Variants in BTAF1 observed in about 807,000 individuals in gnomAD.
The protein encoded by BTAF1 is B-TFIID TATA-box binding protein associated factor 1, also known as TATA-binding protein-associated factor 172.
A neutral mutation model predicts 227.1 loss-of-function variants in BTAF1; 38 were observed. The observed-to-expected ratio is 0.17, with a 90% CI of 0.13 to 0.22. BTAF1 has a LOEUF of 0.22. BTAF1 is among the 10% of genes least tolerant of loss of function. BTAF1 has a pLI of 1.00. For synonymous variants in BTAF1, 742 were observed against 751.9 expected (o/e 0.99, Z 0.21); for missense variants, 1,598 against 2,204.0 (o/e 0.73, Z 5.51).
At chr10:92,001,499 T>C (rs1318623954) in intron 25 of BTAF1, among the ~76,000 whole-genome samples, 1 of 152,132 alleles carries the variant, frequency 6.6e-6, no homozygotes, top group Non-Finnish European at 1.5e-5. Flanking sequence ...ATCAAGTCCT[T>C]AGAAGCATAT....
In BTAF1 at chr10:92,018,870, C is replaced by T. The variant is rs771605794; in HGVS notation, c.4798C>T (p.Leu1600=). ...AGAATTCAAGACCACTGCCGAAAAACTGGCAGTTCAGAATTCTTCTCTACA... is the reference window on the plus strand; with the variant it reads ...AGAATTCAAGACCACTGCCGAAAAATTGGCAGTTCAGAATTCTTCTCTACA... The part of the protein sequence containing the change: ...HPEFKTTAEK[L]AVQNSSLHDI... The change falls in exon 34 of 38, where the codon CTG becomes TTG. Residue 1600 remains leucine (L), a synonymous_variant. Transcript: ENST00000265990. 6.2e-7 allele frequency: 1 copy of T among 1,611,274 alleles called. No homozygotes were observed. The highest frequency in any genetic ancestry group is 1.7e-5 in the Admixed American group (1 of 59,072).
chr10:91,935,520 C>G, intron 1 of BTAF1, 137 bp from the exon 2 acceptor site: 1 of 885,714 alleles, frequency 1.1e-6, no homozygotes. Context: ...GCTTATTTCA[C>G]CATAATGTCT....
chr10:91,966,596 A>G (rs1470751331), intron 13 of BTAF1, 41 bp from the exon 14 acceptor site: 1 of 1,600,240 alleles, frequency 6.2e-7, no homozygotes, highest in African/African-American at 1.3e-5. Context: ...ACAGAGTTAC[A>G]ACTTAGAATA....
chr10:91,980,679 C>G (rs1589866534), intron 15 of BTAF1, 121 bp downstream of exon 15: 4 of 719,792 alleles, frequency 5.6e-6, no homozygotes, highest in East Asian at 2.7e-5. Context: ...GTCTGGAGAT[C>G]TGCATAATGA....
Position 91,984,109 on chromosome 10 carries a change from A to G in BTAF1, c.2224-92A>G, listed in dbSNP as rs113633698. 1.6e-3 allele frequency: 1,777 copies of G among 1,109,612 alleles called. 21 individuals are homozygous for G. In the African/African-American group the frequency reaches 0.024, roughly 15 times the overall value. The allele number at this position is 1,109,612 out of a possible 1,614,324, so 68.7% of individuals were successfully genotyped here. ...GAATATAGATTCAGTACAAGTAAGA[A>G]TTTAGAACTTGGTAGTCTACAAATG... On this transcript the variant is annotated intron_variant, in intron 18 of 37. Transcript: ENST00000265990.
intron 28 of BTAF1, 115 bp downstream of exon 28, chr10:92,009,323 A>G (rs1850145016): frequency 9.1e-7 from 1 of 1,100,352 alleles, no homozygotes; most frequent in African/African-American, 1.6e-5. Flanking sequence ...ATGACATAGA[A>G]ACTTCACTTA....
At chr10:91,986,752 G>C (rs1848420153) in intron 19 of BTAF1, among the ~76,000 whole-genome samples, 1 of 151,988 alleles carries the variant, frequency 6.6e-6, no homozygotes, top group Non-Finnish European at 1.5e-5. Flanking sequence ...CCTTCTTTAA[G>C]ATTTGCTTAT....
At chr10:91,965,657 TAAG>T (rs1846851717) in intron 13 of BTAF1, among the ~76,000 whole-genome samples, 1 of 152,240 alleles carries the variant, frequency 6.6e-6, no homozygotes, top group Non-Finnish European at 1.5e-5. Flanking sequence ...CTAGTTTATG[TAAG>T]AAGAAATGTA....
chr10:91,992,464 G>T (rs1048907262), intron 21 of BTAF1, among the ~76,000 whole-genome samples, 155 bp downstream of exon 21: 1 of 151,808 alleles, frequency 6.6e-6, no homozygotes, highest in African/African-American at 2.4e-5. Flanking sequence ...CCAGAAAAAC[G>T]GCAAACTTCA....
chr10:91,959,243 G>A, intron 9 of BTAF1, 89 bp downstream of exon 9: 5 of 1,589,026 alleles, frequency 3.1e-6, no homozygotes, highest in Non-Finnish European at 3.4e-6. Flanking sequence ...GTGCCGTGAA[G>A]TAGGAATGAG....
chr10:91,991,638 T>C (rs1291836636), intron 20 of BTAF1, among the ~76,000 whole-genome samples: 1 of 151,184 alleles, frequency 6.6e-6, no homozygotes, highest in African/African-American at 2.4e-5. Context: ...TAGTCCTAAC[T>C]CCTCAGGAGG....
chr10:91,984,273 G>T lies in BTAF1; in HGVS notation c.2296G>T (p.Glu766Ter). ...DILSEHLYYD[E>*]IAVPFTRMQN... ...CCTTTCAGAACATTTATATTATGAC[G>T]AAATTGCCGTTCCATTCACACGAAT... The change falls in exon 19 of 38, where the codon GAA becomes TAA. Residue 766 changes from glutamate to a stop codon, truncating the protein, a stop_gained. Coordinates refer to ENST00000265990, the MANE Select transcript of BTAF1 (RefSeq NM_003972.3). LOFTEE classifies it high-confidence loss of function. The T allele has an allele frequency of 6.2e-7, 1 of 1,613,836 alleles. No individual in the cohort carries two copies.
chr10:91,967,787 T>G (rs892710726), intron 14 of BTAF1, among the ~76,000 whole-genome samples: 2 of 152,352 alleles, frequency 1.3e-5, no homozygotes, highest in Admixed American at 6.5e-5. Flanking sequence ...GCTTTTTGCC[T>G]AAATGTTTGT....
intron 4 of BTAF1, among the ~76,000 whole-genome samples, chr10:91,949,384 T>A (rs373799728): frequency 5.9e-5 from 9 of 152,206 alleles, no homozygotes; most frequent in East Asian, 3.8e-4. Flanking sequence ...TTGGTATCCA[T>A]TAATTATCTT....
intron 25 of BTAF1, among the ~76,000 whole-genome samples, chr10:91,998,094 G>A (rs1315956254): frequency 7.0e-6 from 1 of 143,000 alleles, no homozygotes; most frequent in Non-Finnish European, 1.5e-5. Context: ...CCACTGCACT[G>A]TATGTATCCT....
intron 15 of BTAF1, 112 bp from the exon 16 acceptor site, chr10:91,981,527 AAATT>A (rs1848062377): frequency 3.6e-6 from 4 of 1,098,170 alleles, no homozygotes; most frequent in Non-Finnish European, 5.0e-6. Context: ...TTGAATTTCT[AAATT>A]AATCTCTGTG....
At chr10:91,944,413 C>A (rs1476205294) in intron 4 of BTAF1, among the ~76,000 whole-genome samples, 1 of 151,972 alleles carries the variant, frequency 6.6e-6, no homozygotes, top group Non-Finnish European at 1.5e-5. Flanking sequence ...GATTATTTCC[C>A]CCAATAGGGC....
At chr10:91,983,122 A>G (rs1489783113) in intron 18 of BTAF1, among the ~76,000 whole-genome samples, 2 of 152,222 alleles carry the variant, frequency 1.3e-5, no homozygotes, top group Admixed American at 6.5e-5. Flanking sequence ...TGAAAACTAC[A>G]AAGGATGAGG....
Position 92,018,786 on chromosome 10 carries a change from T to G in BTAF1, c.4714T>G (p.Leu1572Val). The G allele has an allele frequency of 6.5e-7, 1 of 1,547,112 alleles. No individual in the cohort carries two copies. The highest frequency in any genetic ancestry group is 8.7e-7 in the Non-Finnish European group (1 of 1,150,756). Reference sequence around the variant, plus strand: ...TACTTTTTTTTTCCTCTTGAAGGCATTACAGTACTTACGTAAACTGTGCAA... The same window carrying G: ...TACTTTTTTTTTCCTCTTGAAGGCAGTACAGTACTTACGTAAACTGTGCAA... ...LKATGHVFQALQYLRKLCNHP... is the reference protein window; with the variant it reads ...LKATGHVFQAVQYLRKLCNHP... The change falls in exon 34 of 38, where the codon TTA (leucine) becomes GTA (valine). Residue 1572 changes from leucine to valine, a missense_variant. Transcript: ENST00000265990.
Sources: allele counts gnomAD v4.1 joint callset (sites outside exome capture counted in the v4.1 genomes callset), GRCh38; gene constraint gnomAD v4.1.1; transcripts MANE v1.5; gene names NCBI Gene and HGNC (gene_info 2026-07-23, HGNC 2026-07-21).